The following MAPT variants were observed in gnomAD, a reference collection of about 807,000 sequenced individuals.
MAPT encodes the protein microtubule-associated protein tau.
A neutral mutation model predicts 67.9 loss-of-function variants in MAPT; 34 were observed. The observed-to-expected ratio is 0.50, with a 90% CI of 0.38 to 0.67. The LOEUF is 0.67. MAPT is among the 30% of genes least tolerant of loss of function. MAPT has a pLI of 0.00. For synonymous variants in MAPT, 456 were observed against 464.5 expected (o/e 0.98, Z 0.23); for missense variants, 881 against 1,115.2 (o/e 0.79, Z 2.99).
chr17:46,023,100 G>A (rs2076630573), intron 12 of MAPT, among the ~76,000 whole-genome samples: 1 of 152,196 alleles, frequency 6.6e-6, no homozygotes, highest in South Asian at 2.1e-4. Context: ...ATCAGTGGCT[G>A]TGGGAGACAT....
intron 1 of MAPT, among the ~76,000 whole-genome samples, chr17:45,917,181 CCTTCAGTGTCTTTG>C (rs927378220): frequency 6.6e-6 from 1 of 152,256 alleles, no homozygotes; most frequent in Non-Finnish European, 1.5e-5. Context: ...CCCAACTCCT[CCTTCAGTGTCTTTG>C]CTTCAGTGTC....
At chr17:45,959,695 C>T (rs918670134) in intron 1 of MAPT, among the ~76,000 whole-genome samples, 1 of 151,856 alleles carries the variant, frequency 6.6e-6, no homozygotes, top group Non-Finnish European at 1.5e-5. Context: ...GCAGGAGAAT[C>T]GCTTGAAGCA....
chr17:45,955,078 A>C (rs2069483547), intron 1 of MAPT, among the ~76,000 whole-genome samples: 1 of 152,260 alleles, frequency 6.6e-6, no homozygotes, highest in Non-Finnish European at 1.5e-5. Flanking sequence ...AAGTCAAATG[A>C]GTCACCAGTT....
intron 1 of MAPT, among the ~76,000 whole-genome samples, chr17:45,954,339 G>GA (rs140603507): frequency 0.012 from 1,858 of 152,222 alleles, 37 homozygotes; most frequent in African/African-American, 0.042. Flanking sequence ...GCCCTTTCCA[G>GA]AAAAAAATGT....
intron 9 of MAPT, chr17:45,999,552 A>C (rs1450612017): frequency 6.2e-7 from 1 of 1,613,308 alleles, no homozygotes. Flanking sequence ...CTGAGCAGGG[A>C]AGACAACTTT....
intron 4 of MAPT, chr17:45,980,634 G>T (rs1204755292): frequency 6.6e-6 from 1 of 151,784 alleles, no homozygotes; most frequent in Non-Finnish European, 1.5e-5. Context: ...ACTTTTCAAG[G>T]TACATTTACT....
At chr17:45,922,274 C>T (rs772921886) in intron 1 of MAPT, among the ~76,000 whole-genome samples, 3 of 152,092 alleles carry the variant, frequency 2.0e-5, no homozygotes, top group Non-Finnish European at 4.4e-5. Flanking sequence ...GTTACAAAGG[C>T]CTTATATTTT....
intron 1 of MAPT, among the ~76,000 whole-genome samples, chr17:45,923,136 A>T (rs2065919585): frequency 6.6e-6 from 1 of 152,140 alleles, no homozygotes; most frequent in African/African-American, 2.4e-5. Context: ...TGTTGTGAAG[A>T]TTCGGTAAGG....
intron 11 of MAPT, among the ~76,000 whole-genome samples, chr17:46,015,658 C>CAAAACA (rs546352999): frequency 6.8e-4 from 104 of 151,988 alleles, no homozygotes; most frequent in South Asian, 2.1e-3. Flanking sequence ...GACTCCGTCT[C>CAAAACA]AAAACAAAAA....
At chr17:45,900,388 T>A (rs1040212301) in intron 1 of MAPT, among the ~76,000 whole-genome samples, 1 of 139,132 alleles carries the variant, frequency 7.2e-6, no homozygotes, top group Non-Finnish European at 1.7e-5. Flanking sequence ...TTGAGACAGG[T>A]TTTGAGCTTT....
chr17:45,970,804 G>T (rs1340471597), intron 2 of MAPT, among the ~76,000 whole-genome samples: 2 of 152,220 alleles, frequency 1.3e-5, no homozygotes, highest in East Asian at 1.9e-4. Context: ...TCCTGGTGGG[G>T]CATCTCCAGG....
At chr17:45,933,176 A>C (rs540311450) in intron 1 of MAPT, among the ~76,000 whole-genome samples, 2 of 151,798 alleles carry the variant, frequency 1.3e-5, no homozygotes, top group Admixed American at 1.3e-4. Flanking sequence ...GATTGCAGGC[A>C]CATGATGCTA....
chr17:45,956,583 TATATATATATATA>T (rs2069718979), intron 1 of MAPT, among the ~76,000 whole-genome samples: 1 of 26,216 alleles, frequency 3.8e-5, no homozygotes, highest in African/African-American at 1.0e-4. Flanking sequence ...TATATATATA[TATATATATATATA>T]TATATTTTTT....
In MAPT at chr17:45,896,759, T is replaced by C. The variant is rs980066281; in HGVS notation, c.-18+2073T>C. 1.3e-5 allele frequency: 2 copies of C among 152,248 alleles called. No homozygotes were observed. Among genetic ancestry groups the C allele is most frequent in the African/African-American group, 4.8e-5 (2 of 41,438 alleles). 9.4% of individuals were successfully genotyped at this position (152,248 alleles called of 1,614,324 possible). On this transcript the variant is annotated intron_variant, in intron 1 of 12. Coordinates refer to ENST00000262410, the MANE Select transcript of MAPT (RefSeq NM_001377265.1). The surrounding 1 kb of genome is among the most constrained non-coding windows in gnomAD (Gnocchi z 5.6). ...ATTATGTCCGTACTGATTAATATTA[T>C]TTATCTTAAATAAATTTCACCCGTG... is the stretch of plus-strand genomic sequence containing the variant.
chr17:45,978,730 C>T (rs1007092560), intron 4 of MAPT: 5 of 442,290 alleles, frequency 1.1e-5, no homozygotes, highest in African/African-American at 7.9e-5. Context: ...CTAGGCCGGG[C>T]CTGGTGGCTC....
intron 10 of MAPT, among the ~76,000 whole-genome samples, chr17:46,012,495 A>C (rs2075884400): frequency 6.6e-6 from 1 of 152,096 alleles, no homozygotes; most frequent in Non-Finnish European, 1.5e-5. Flanking sequence ...CCTGGTGAGA[A>C]GAGATGCCAG....
intron 1 of MAPT, among the ~76,000 whole-genome samples, chr17:45,941,291 T>C (rs28652704): frequency 0.012 from 1,767 of 152,302 alleles, 43 homozygotes; most frequent in African/African-American, 0.04. Context: ...TCCCCCACTT[T>C]GAGTTACAAT....
intron 1 of MAPT, among the ~76,000 whole-genome samples, chr17:45,921,077 C>T (rs949165632): frequency 2.0e-5 from 3 of 152,206 alleles, no homozygotes; most frequent in Non-Finnish European, 2.9e-5. Flanking sequence ...TTCCTTCCCT[C>T]CCCAGACTTT....
intron 2 of MAPT, among the ~76,000 whole-genome samples, chr17:45,964,981 C>G (rs1476879478): frequency 6.6e-6 from 1 of 152,170 alleles, no homozygotes; most frequent in African/African-American, 2.4e-5. Context: ...AGCTGCCCCC[C>G]TGGCAGTTGG....
Sources: allele counts gnomAD v4.1 joint callset (sites outside exome capture counted in the v4.1 genomes callset), GRCh38; gene constraint gnomAD v4.1.1; non-coding constraint Gnocchi (gnomAD v3.1); transcripts MANE v1.5; gene names NCBI Gene and HGNC (gene_info 2026-07-23, HGNC 2026-07-21).